ZPBP: variants seen among roughly 807,000 people sequenced by gnomAD.
ZPBP encodes zona pellucida-binding protein 1.
Under a neutral mutation model 44.8 loss-of-function variants are expected in ZPBP, and 26 were observed. The observed-to-expected ratio is 0.58, with a 90% confidence interval of 0.43 to 0.81. The LOEUF (loss-of-function observed/expected upper bound fraction) is 0.81. ZPBP is among the 30% of genes least tolerant of loss of function. ZPBP has a pLI of 0.00. For synonymous variants in ZPBP, 174 were observed against 153.2 expected (o/e 1.14, Z -1.00); for missense variants, 409 against 434.0 (o/e 0.94, Z 0.51).
intron 6 of ZPBP, among the ~76,000 whole-genome samples, chr7:50,000,254 A>C (rs1798035518): frequency 1.3e-5 from 2 of 152,164 alleles, no homozygotes; most frequent in South Asian, 4.1e-4. Flanking sequence ...TAAGAATCAA[A>C]TATGTTTTGT....
At chr7:49,864,696 A>C (rs1032204252) in intron 2 of ZPBP, among the ~76,000 whole-genome samples, 1 of 152,208 alleles carries the variant, frequency 6.6e-6, no homozygotes, top group African/African-American at 2.4e-5. Context: ...TCTTTCAAGT[A>C]GCTCCAGACA....
chr7:49,868,061 C>A (rs941591825), intron 2 of ZPBP, among the ~76,000 whole-genome samples: 1 of 151,864 alleles, frequency 6.6e-6, no homozygotes, highest in Non-Finnish European at 1.5e-5. Flanking sequence ...CTCAAACTCC[C>A]GACCTCAAAT....
intron 6 of ZPBP, among the ~76,000 whole-genome samples, chr7:50,015,939 A>G (rs185775651): frequency 3.7e-4 from 57 of 152,290 alleles, no homozygotes; most frequent in Admixed American, 3.4e-3. Context: ...TATAGAGAAA[A>G]GAGAACACTT....
At chr7:50,091,287 TTACTC>T (rs1396392560) in intron 1 of ZPBP, among the ~76,000 whole-genome samples, 3 of 152,230 alleles carry the variant, frequency 2.0e-5, no homozygotes, top group Non-Finnish European at 4.4e-5. Flanking sequence ...GGTTGTCTGT[TTACTC>T]TGCTGACTGT....
intron 2 of ZPBP, among the ~76,000 whole-genome samples, chr7:49,863,232 T>G (rs1790732400): frequency 6.6e-6 from 1 of 152,242 alleles, no homozygotes; most frequent in Non-Finnish European, 1.5e-5. Flanking sequence ...TCACGTAGTT[T>G]ATCTAATTTG....
downstream of ZPBP, among the ~76,000 whole-genome samples, chr7:49,846,973 T>C (rs1465021367): frequency 6.6e-6 from 1 of 152,216 alleles, no homozygotes; most frequent in Non-Finnish European, 1.5e-5. Flanking sequence ...AATTATTCAG[T>C]GTGAGGCTGT....
chr7:49,938,020 G>T (rs1039680165), intron 7 of ZPBP, among the ~76,000 whole-genome samples: 2 of 152,178 alleles, frequency 1.3e-5, no homozygotes, highest in African/African-American at 2.4e-5. Context: ...CTGACAGGAA[G>T]CAGAGCTCAG....
intron 2 of ZPBP, among the ~76,000 whole-genome samples, chr7:49,875,525 T>C (rs1050678949): frequency 3.3e-5 from 5 of 151,808 alleles, no homozygotes; most frequent in African/African-American, 1.2e-4. Context: ...CCAGTGTCCT[T>C]GGTGTGTGGC....
At chr7:49,987,092 T>C (rs1346916781) in intron 6 of ZPBP, among the ~76,000 whole-genome samples, 1 of 152,120 alleles carries the variant, frequency 6.6e-6, no homozygotes, top group African/African-American at 2.4e-5. Context: ...TGACATTTGT[T>C]GATTCTCTTC....
intron 6 of ZPBP, among the ~76,000 whole-genome samples, chr7:50,010,506 T>C (rs986155506): frequency 5.9e-5 from 9 of 152,050 alleles, no homozygotes; most frequent in Non-Finnish European, 1.3e-4. Context: ...ACGGGAAATG[T>C]AAGACATAAA....
intron 2 of ZPBP, among the ~76,000 whole-genome samples, chr7:49,854,799 A>G (rs1339347138): frequency 6.6e-6 from 1 of 152,172 alleles, no homozygotes; most frequent in Admixed American, 6.5e-5. Context: ...TGAGCCACAC[A>G]TTTTACTAAA....
intron 4 of ZPBP, among the ~76,000 whole-genome samples, chr7:50,056,987 C>T (rs565534310): frequency 3.4e-4 from 52 of 152,130 alleles, no homozygotes; most frequent in African/African-American, 1.2e-3. Flanking sequence ...AAATCGAGAC[C>T]ATCCTGGCTA....
At position 49,920,323 on chromosome 7, in the gene ZPBP, C is replaced by T. The variant is rs974715828; in HGVS notation, n.411+15428G>A. ...ATAATTTTCCTTTAAATTTATTCCTCAGAATGATGTAAATTTTCCAGCTGG... is the reference window on the plus strand; with the variant it reads ...ATAATTTTCCTTTAAATTTATTCCTTAGAATGATGTAAATTTTCCAGCTGG... On this transcript the variant is annotated intron_variant and non_coding_transcript_variant, in intron 1 of 2. Coordinates refer to the ZPBP transcript ENST00000465922. 8 of 152,150 alleles carry T rather than the reference C, an allele frequency of 5.3e-5. No homozygotes were observed. The East Asian group carries it at 1.5e-3, about 29-fold the overall frequency. 9.4% of individuals were successfully genotyped at this position (152,150 alleles called of 1,614,324 possible). A position where few individuals can be genotyped will look rare whatever the true frequency, so the allele number is the denominator to read the frequency against.
At chr7:50,057,052 G>A (rs977809862) in intron 4 of ZPBP, among the ~76,000 whole-genome samples, 13 of 152,154 alleles carry the variant, frequency 8.5e-5, no homozygotes, top group East Asian at 3.9e-4. Flanking sequence ...AGGCGTGGTG[G>A]CACGTGCCTG....
intron 6 of ZPBP, among the ~76,000 whole-genome samples, chr7:50,014,690 C>G (rs1407344815): frequency 6.6e-6 from 1 of 151,828 alleles, no homozygotes; most frequent in Non-Finnish European, 1.5e-5. Context: ...GTCTCGAACT[C>G]CTGACCTCAA....
intron 2 of ZPBP, among the ~76,000 whole-genome samples, chr7:49,885,209 G>A (rs1307835626): frequency 6.6e-6 from 1 of 152,074 alleles, no homozygotes; most frequent in East Asian, 1.9e-4. Context: ...TAGTTCCAGA[G>A]AAGTTTTAAT....
At chr7:49,865,970 G>A (rs1396992729) in intron 2 of ZPBP, among the ~76,000 whole-genome samples, 1 of 152,090 alleles carries the variant, frequency 6.6e-6, no homozygotes, top group Non-Finnish European at 1.5e-5. Flanking sequence ...AAATTGCTTA[G>A]GTTTTAATAA....
At chr7:50,025,877 G>A (rs898792439) in intron 5 of ZPBP, among the ~76,000 whole-genome samples, 1 of 151,812 alleles carries the variant, frequency 6.6e-6, no homozygotes, top group East Asian at 1.9e-4. Context: ...TCCCTTATCA[G>A]TAATAATTTC....
chr7:49,990,443 C>T (rs10249896), intron 6 of ZPBP, among the ~76,000 whole-genome samples: 4,154 of 152,216 alleles, frequency 0.027, 209 homozygotes, highest in African/African-American at 0.095. Flanking sequence ...TCCTCATATA[C>T]CCTGGATATT....
Sources: allele counts gnomAD v4.1 joint callset (sites outside exome capture counted in the v4.1 genomes callset), GRCh38; gene constraint gnomAD v4.1.1; transcripts MANE v1.5; gene names NCBI Gene and HGNC (gene_info 2026-07-23, HGNC 2026-07-21).